SLC39A11: variants seen among roughly 807,000 people sequenced by gnomAD.
SLC39A11 encodes solute carrier family 39 member 11.
A neutral mutation model predicts 36.1 loss-of-function variants in SLC39A11; 33 were observed. The ratio of observed to expected loss-of-function variants is 0.91; its 90% CI spans 0.69 to 1.22. SLC39A11 has a LOEUF of 1.22. Among genes scored for constraint, SLC39A11 ranks in the 50% most tolerant of loss-of-function variants. The probability of loss-of-function intolerance (pLI) is 0.00; values close to 1 mark genes in which losing one functional copy is unlikely to be tolerated. For missense variants in SLC39A11, 432 were observed against 430.3 expected (o/e 1.00, Z -0.03); for synonymous variants, 166 against 170.3 (o/e 0.97, Z 0.20).
At chr17:72,758,929 C>T (rs2075463537) in intron 6 of SLC39A11, among the ~76,000 whole-genome samples, 1 of 152,084 alleles carries the variant, frequency 6.6e-6, no homozygotes, top group African/African-American at 2.4e-5. Flanking sequence ...CATGGCAAAA[C>T]CCTGTCTCTA....
intron 3 of SLC39A11, among the ~76,000 whole-genome samples, chr17:73,047,304 G>A (rs982977408): frequency 2.3e-4 from 35 of 152,100 alleles, no homozygotes; most frequent in Admixed American, 1.7e-3. Flanking sequence ...GATTACAGGC[G>A]TGAGCCACCG....
intron 4 of SLC39A11, among the ~76,000 whole-genome samples, chr17:72,955,298 C>CTCTTTTTT (rs757324144): frequency 1.5e-5 from 1 of 65,574 alleles, no homozygotes; most frequent in Admixed American, 2.6e-4. Flanking sequence ...TTTCAGTTCT[C>CTCTTTTTT]TTTTTTTTTT....
chr17:72,919,684 AAG>A (rs1464952747), intron 5 of SLC39A11, among the ~76,000 whole-genome samples: 1,562 of 143,722 alleles, frequency 0.011, 68 homozygotes, highest in African/African-American at 0.036. Context: ...AAAAAAAAAA[AAG>A]AAAAAAAGAA....
intron 6 of SLC39A11, among the ~76,000 whole-genome samples, chr17:72,782,504 C>G (rs73353001): frequency 0.036 from 5,516 of 151,994 alleles, 311 homozygotes; most frequent in African/African-American, 0.12. Flanking sequence ...GCCTGGCTAA[C>G]AGGGCAAAAT....
chr17:73,070,794 A>G (rs2144512463), intron 3 of SLC39A11, among the ~76,000 whole-genome samples: 1 of 152,242 alleles, frequency 6.6e-6, no homozygotes, highest in East Asian at 1.9e-4. Context: ...TTCCCTGCAC[A>G]AGCTCTCTTC....
chr17:72,727,421 A>T (rs2073970399), intron 7 of SLC39A11, among the ~76,000 whole-genome samples: 1 of 152,160 alleles, frequency 6.6e-6, no homozygotes, highest in South Asian at 2.1e-4. Flanking sequence ...TGGGAGGCCG[A>T]GGCGGGTGGA....
At chr17:72,922,396 C>T (rs182482638) in intron 5 of SLC39A11, among the ~76,000 whole-genome samples, 1 of 152,302 alleles carries the variant, frequency 6.6e-6, no homozygotes, top group Non-Finnish European at 1.5e-5. Flanking sequence ...AACTTAGGAA[C>T]AAAAGGTGCA....
chr17:72,943,746 G>A (rs533241796), intron 5 of SLC39A11, among the ~76,000 whole-genome samples: 7 of 152,288 alleles, frequency 4.6e-5, no homozygotes, highest in South Asian at 2.1e-4. Flanking sequence ...CTAATAGACC[G>A]ATGAAATTCA....
intron 5 of SLC39A11, among the ~76,000 whole-genome samples, chr17:72,940,103 C>A (rs1285792150): frequency 2.0e-5 from 3 of 152,190 alleles, no homozygotes; most frequent in African/African-American, 7.2e-5. Context: ...CAGGAGAGAA[C>A]TTCTACACAT....
At chr17:72,795,301 T>A (rs1341653300) in intron 6 of SLC39A11, among the ~76,000 whole-genome samples, 1 of 152,088 alleles carries the variant, frequency 6.6e-6, no homozygotes. Context: ...AAGGATCCAC[T>A]TCCAAGCTCA....
At chr17:72,761,542 A>G (rs1285522076) in intron 6 of SLC39A11, among the ~76,000 whole-genome samples, 1 of 152,074 alleles carries the variant, frequency 6.6e-6, no homozygotes, top group Non-Finnish European at 1.5e-5. Flanking sequence ...TAGCCATTTT[A>G]TTTCACATTT....
chr17:72,880,478 G>T (rs1232469564), intron 5 of SLC39A11, among the ~76,000 whole-genome samples: 1 of 152,192 alleles, frequency 6.6e-6, no homozygotes, highest in East Asian at 1.9e-4. Flanking sequence ...AGACTGATGT[G>T]TGAGGATAAC....
intron 7 of SLC39A11, among the ~76,000 whole-genome samples, chr17:72,709,227 C>T (rs1027175040): frequency 5.3e-5 from 8 of 152,280 alleles, no homozygotes; most frequent in South Asian, 4.1e-4. Context: ...CGTGAGCCAC[C>T]GCGCCCGGCC....
rs1041049915 is a variant in SLC39A11 at position 72,998,880 on chromosome 17, C to T, written c.306+32676G>A. On this transcript the variant is annotated intron_variant, in intron 4 of 9. Coordinates refer to ENST00000255559, the MANE Select transcript of SLC39A11 (RefSeq NM_139177.4). The stretch of plus-strand genomic sequence containing the variant: ...GTGGAAGGGAGATGGCGGCGTTTTC[C>T]GCAGCCACAGAGGTGGGGTCAGATG... 5.9e-5 allele frequency among the ~76,000 whole-genome samples: 9 copies of T among 152,286 alleles called. No individual in the cohort carries two copies. In the East Asian group the frequency reaches 7.7e-4, roughly 13 times the overall value.
intron 3 of SLC39A11, among the ~76,000 whole-genome samples, chr17:73,082,478 CTT>C (rs1220382128): frequency 2.0e-5 from 3 of 151,480 alleles, no homozygotes; most frequent in African/African-American, 7.3e-5. Context: ...TGATTTTTTT[CTT>C]TTTTGTTTTG....
At chr17:73,055,429 C>CT (rs977508879) in intron 3 of SLC39A11, among the ~76,000 whole-genome samples, 2 of 151,316 alleles carry the variant, frequency 1.3e-5, no homozygotes, top group African/African-American at 4.9e-5. Context: ...TAGGAGTACA[C>CT]TTTTTTTTCT....
intron 4 of SLC39A11, among the ~76,000 whole-genome samples, chr17:72,955,966 C>T (rs766934972): frequency 6.6e-6 from 1 of 152,108 alleles, no homozygotes; most frequent in East Asian, 1.9e-4. Context: ...ATCAGCCCTG[C>T]GACCACATGA....
intron 7 of SLC39A11, among the ~76,000 whole-genome samples, chr17:72,662,766 AAAAG>A (rs2070527573): frequency 1.3e-5 from 2 of 151,722 alleles, no homozygotes; most frequent in African/African-American, 4.8e-5. Flanking sequence ...GAAAGGAAGG[AAAAG>A]AAAAGAAAGG....
chr17:73,055,301 A>G (rs1020542044), intron 3 of SLC39A11, among the ~76,000 whole-genome samples: 1 of 152,166 alleles, frequency 6.6e-6, no homozygotes, highest in Non-Finnish European at 1.5e-5. Flanking sequence ...AAGGCTCTCA[A>G]AGGAAGCAGA....
Sources: allele counts gnomAD v4.1 joint callset (sites outside exome capture counted in the v4.1 genomes callset), GRCh38; gene constraint gnomAD v4.1.1; transcripts MANE v1.5; gene names NCBI Gene and HGNC (gene_info 2026-07-23, HGNC 2026-07-21).